Variants in PTPRT observed in about 807,000 individuals in gnomAD.
PTPRT encodes the protein protein tyrosine phosphatase receptor type T, also known as receptor-type tyrosine-protein phosphatase T.
PTPRT carries 56 observed loss-of-function variants against 176.8 expected under a neutral mutation model. The observed-to-expected ratio is 0.32, with a 90% CI of 0.26 to 0.40. The LOEUF is 0.40. Ranked by LOEUF, PTPRT falls within the 10% of genes least tolerant of loss-of-function variation. The pLI is 1.00. For missense variants in PTPRT, 1,540 were observed against 1,908.2 expected, an observed-to-expected ratio of 0.81 and a Z score of 3.60; for synonymous variants, 783 against 739.0, an observed-to-expected ratio of 1.06 and a Z score of -0.96.
At chr20:42,363,240 C>T (rs1171029054) in intron 9 of PTPRT, among the ~76,000 whole-genome samples, 1 of 141,046 alleles carries the variant, frequency 7.1e-6, no homozygotes, top group African/African-American at 2.6e-5. Context: ...ACCCCTCCAC[C>T]CCTCACATTC....
intron 2 of PTPRT, among the ~76,000 whole-genome samples, chr20:42,839,596 A>G (rs2078242439): frequency 6.6e-6 from 1 of 152,166 alleles, no homozygotes; most frequent in Admixed American, 6.5e-5. Flanking sequence ...CTTTACAAAT[A>G]AGGGAAAGCA....
At chr20:42,176,487 C>T (rs1409972218) in intron 16 of PTPRT, among the ~76,000 whole-genome samples, 1 of 152,158 alleles carries the variant, frequency 6.6e-6, no homozygotes, top group Non-Finnish European at 1.5e-5. Context: ...TTTGGAGTTT[C>T]TCATTGGCTC....
chr20:43,133,747 C>CA lies in PTPRT; in HGVS notation c.88+55898dup, dbSNP rs11366438. ...TGGGCAACAGAGCGAGACTCTGTCT[C>CA]AAAAAAAAAAAAAAAAAATAGTATT... On this transcript the variant is annotated intron_variant, in intron 1 of 30. Coordinates refer to ENST00000373187, the MANE Select transcript of PTPRT (RefSeq NM_007050.6). 9.6e-3 allele frequency among the ~76,000 whole-genome samples: 1,203 copies of CA among 124,852 alleles called. 22 individuals are homozygous for CA. The highest frequency in any genetic ancestry group is 0.034 in the African/African-American group (1,118 of 32,912). The allele number at this position is 124,852 out of a possible 152,430, so 81.9% of individuals were successfully genotyped here. A position where few individuals can be genotyped will look rare whatever the true frequency, so the allele number is the denominator to read the frequency against.
At chr20:42,955,089 C>G (rs1403593891) in intron 1 of PTPRT, among the ~76,000 whole-genome samples, 1 of 152,128 alleles carries the variant, frequency 6.6e-6, no homozygotes, top group Non-Finnish European at 1.5e-5. Flanking sequence ...CTCTATCCCC[C>G]TCTTAGTGAT....
At chr20:42,400,699 G>T (rs1377229920) in intron 9 of PTPRT, among the ~76,000 whole-genome samples, 1 of 152,138 alleles carries the variant, frequency 6.6e-6, no homozygotes, top group Non-Finnish European at 1.5e-5. Context: ...ACGCTTGCAT[G>T]TTCAGGAAAA....
chr20:42,155,401 G>A (rs1989307993), intron 17 of PTPRT, among the ~76,000 whole-genome samples: 1 of 152,154 alleles, frequency 6.6e-6, no homozygotes, highest in Admixed American at 6.5e-5. Context: ...AGATAGTGAG[G>A]TCCCATGCGA....
intron 2 of PTPRT, among the ~76,000 whole-genome samples, chr20:42,835,222 T>C (rs2078160556): frequency 1.3e-5 from 2 of 152,286 alleles, no homozygotes. Flanking sequence ...TTCTGAAGAA[T>C]TCAGACACAA....
At chr20:42,593,103 A>T (rs892083028) in intron 7 of PTPRT, among the ~76,000 whole-genome samples, 1 of 152,204 alleles carries the variant, frequency 6.6e-6, no homozygotes, top group Non-Finnish European at 1.5e-5. Context: ...GCAAAAACCG[A>T]ATTGTAGCAT....
chr20:42,450,609 G>T (rs1190228798), intron 8 of PTPRT, among the ~76,000 whole-genome samples: 2 of 151,170 alleles, frequency 1.3e-5, no homozygotes, highest in Admixed American at 1.3e-4. Flanking sequence ...TCTTGCATAG[G>T]TTGCAAATAT....
intron 1 of PTPRT, among the ~76,000 whole-genome samples, chr20:43,126,110 G>A (rs1352602718): frequency 2.6e-5 from 4 of 152,180 alleles, no homozygotes; most frequent in African/African-American, 7.2e-5. Flanking sequence ...AGCACTTTGG[G>A]AGGCTGTGAG....
At chr20:42,846,443 G>A (rs926996453) in intron 2 of PTPRT, among the ~76,000 whole-genome samples, 3 of 152,182 alleles carry the variant, frequency 2.0e-5, no homozygotes, top group African/African-American at 4.8e-5. Flanking sequence ...GGCCCCATCT[G>A]TACCAGATGT....
At chr20:42,500,342 T>C (rs2071730425) in intron 7 of PTPRT, among the ~76,000 whole-genome samples, 1 of 151,960 alleles carries the variant, frequency 6.6e-6, no homozygotes, top group Admixed American at 6.6e-5. Flanking sequence ...ATCAGCAAGG[T>C]AAATGCTATT....
intron 6 of PTPRT, among the ~76,000 whole-genome samples, chr20:42,748,205 A>C (rs1003115698): frequency 1.5e-4 from 23 of 152,200 alleles, no homozygotes; most frequent in Non-Finnish European, 1.9e-4. Flanking sequence ...CTGGAGAGAA[A>C]GTCTGCCAAC....
intron 1 of PTPRT, among the ~76,000 whole-genome samples, chr20:42,932,806 G>A (rs571872631): frequency 1.3e-5 from 2 of 152,278 alleles, no homozygotes; most frequent in Admixed American, 6.5e-5. Context: ...CCACCTTCAC[G>A]ACCTCCTCAA....
chr20:42,658,736 T>C (rs181243583), intron 7 of PTPRT, among the ~76,000 whole-genome samples: 3 of 152,352 alleles, frequency 2.0e-5, no homozygotes, highest in East Asian at 3.9e-4. Context: ...CTATATTAAA[T>C]GTAATGTATG....
chr20:42,289,164 T>C (rs759224343), intron 12 of PTPRT, among the ~76,000 whole-genome samples: 4 of 152,036 alleles, frequency 2.6e-5, no homozygotes, highest in Non-Finnish European at 5.9e-5. Flanking sequence ...CCTCAAACTA[T>C]AAAAATCCTA....
intron 6 of PTPRT, among the ~76,000 whole-genome samples, chr20:42,737,028 C>T (rs1243717895): frequency 6.6e-6 from 1 of 152,160 alleles, no homozygotes; most frequent in African/African-American, 2.4e-5. Context: ...TTCATGAAAG[C>T]CAATACACAT....
chr20:42,176,286 T>TC (rs1990286469), intron 16 of PTPRT, among the ~76,000 whole-genome samples: 1 of 152,212 alleles, frequency 6.6e-6, no homozygotes, highest in Non-Finnish European at 1.5e-5. Context: ...GGTGAGGATA[T>TC]CATGATCTCT....
In PTPRT at chr20:42,078,315, T is replaced by C. The variant is rs934752434; in HGVS notation, c.*2564A>G. On this transcript the variant is annotated 3_prime_UTR_variant, in exon 31 of 31. Coordinates refer to ENST00000373187, the MANE Select transcript of PTPRT (RefSeq NM_007050.6). ...GAGCCCATGCCAATGGAAGCAACTT[T>C]TGTCGGCTCCTTTCATGTTCCATCC... 2 of 209,948 alleles carry C rather than the reference T, an allele frequency of 9.5e-6. No individual in the cohort carries two copies. Among genetic ancestry groups the C allele is most frequent in the South Asian group, 1.9e-4 (1 of 5,336 alleles). 13.0% of individuals were successfully genotyped at this position (209,948 alleles called of 1,614,324 possible). A position where few individuals can be genotyped will look rare whatever the true frequency, so the allele number is the denominator to read the frequency against.
Sources: allele counts gnomAD v4.1 joint callset (sites outside exome capture counted in the v4.1 genomes callset), GRCh38; gene constraint gnomAD v4.1.1; transcripts MANE v1.5; gene names NCBI Gene and HGNC (gene_info 2026-07-23, HGNC 2026-07-21).